PCDH7: variants seen among roughly 807,000 people sequenced by gnomAD.
PCDH7 encodes protocadherin-7.
In PCDH7, 17 loss-of-function variants were observed where a neutral mutation model predicts 58.9. The observed-to-expected ratio is 0.29, with a 90% CI of 0.20 to 0.43. PCDH7 has a LOEUF of 0.43. PCDH7 is among the 20% of genes least tolerant of loss of function. The pLI is 1.00. For missense variants in PCDH7, 1,274 were observed against 1,441.0 expected (o/e 0.88, Z 1.88); for synonymous variants, 664 against 616.4 (o/e 1.08, Z -1.14).
At chr4:30,951,086 T>TA (rs1278028924) in intron 3 of PCDH7, among the ~76,000 whole-genome samples, 1 of 152,190 alleles carries the variant, frequency 6.6e-6, no homozygotes, top group African/African-American at 2.4e-5. Context: ...GACACATGAC[T>TA]AAAATGCTAC....
At chr4:31,030,363 T>A (rs571506744) in intron 3 of PCDH7, among the ~76,000 whole-genome samples, 34 of 152,318 alleles carry the variant, frequency 2.2e-4, no homozygotes, top group Non-Finnish European at 4.1e-4. Flanking sequence ...TGTAGTTATT[T>A]GCTCAATTAC....
intron 1 of PCDH7, among the ~76,000 whole-genome samples, chr4:30,788,893 T>A (rs937235227): frequency 1.3e-5 from 2 of 152,182 alleles, no homozygotes; most frequent in Non-Finnish European, 2.9e-5. Flanking sequence ...CAATTTTAAG[T>A]CTTAACTTCA....
intron 3 of PCDH7, among the ~76,000 whole-genome samples, chr4:31,045,049 AT>A (rs1351132733): frequency 6.6e-6 from 1 of 152,004 alleles, no homozygotes; most frequent in East Asian, 1.9e-4. Context: ...AACCAGTTAG[AT>A]TTTTTAGGAA....
chr4:31,097,531 G>T (rs1423153808), intron 3 of PCDH7, among the ~76,000 whole-genome samples: 1 of 130,428 alleles, frequency 7.7e-6, no homozygotes, highest in East Asian at 2.4e-4. Flanking sequence ...AAGAAAGAAA[G>T]AAAGAAAGAA....
chr4:31,048,237 G>C (rs971692464), intron 3 of PCDH7, among the ~76,000 whole-genome samples: 2 of 151,948 alleles, frequency 1.3e-5, no homozygotes, highest in South Asian at 4.1e-4. Context: ...AGTCTTGAAA[G>C]GTAGAATATT....
chr4:30,969,253 C>G (rs1307499093), intron 3 of PCDH7, among the ~76,000 whole-genome samples: 2 of 152,158 alleles, frequency 1.3e-5, no homozygotes, highest in Non-Finnish European at 2.9e-5. Context: ...CATAAAGAGT[C>G]CCTGGACATT....
downstream of PCDH7, among the ~76,000 whole-genome samples, chr4:30,734,766 A>G (rs1426337418): frequency 6.6e-6 from 1 of 152,142 alleles, no homozygotes; most frequent in East Asian, 1.9e-4. Flanking sequence ...TTGTTGAACA[A>G]ATAAACAAAG....
At chr4:31,094,130 A>G (rs1713633632) in intron 3 of PCDH7, among the ~76,000 whole-genome samples, 1 of 152,170 alleles carries the variant, frequency 6.6e-6, no homozygotes, top group East Asian at 1.9e-4. Flanking sequence ...GTGAAATAAA[A>G]TACGTGAAAA....
At chr4:30,875,452 A>G (rs1413417919) in intron 1 of PCDH7, among the ~76,000 whole-genome samples, 1 of 152,104 alleles carries the variant, frequency 6.6e-6, no homozygotes, top group South Asian at 2.1e-4. Flanking sequence ...CATAACAGAG[A>G]CTGACTTGAA....
At position 30,753,986 on chromosome 4, in the gene PCDH7, C is replaced by T. The variant is rs566696004; in HGVS notation, c.70+29390C>T. On this transcript the variant is annotated intron_variant, in intron 1 of 3. Transcript: ENST00000509759. ...AAGTGTTACTGATCATAGAAACTAC[C>T]AGACATAACAGCACTGTATACTTTT... is the stretch of plus-strand genomic sequence containing the variant. 3.9e-5 allele frequency among the ~76,000 whole-genome samples: 6 copies of T among 152,204 alleles called. No individual in the cohort carries two copies. The South Asian group carries it at 1.2e-3, about 32-fold the overall frequency.
At chr4:30,907,812 G>C (rs1741170169) in intron 1 of PCDH7, among the ~76,000 whole-genome samples, 1 of 152,100 alleles carries the variant, frequency 6.6e-6, no homozygotes, top group Non-Finnish European at 1.5e-5. Context: ...TATGTTTATT[G>C]CGGCACTACT....
exon 2 of PCDH7, chr4:30,732,403 A>G (rs1482813320): frequency 1.3e-5 from 2 of 152,184 alleles, no homozygotes; most frequent in African/African-American, 4.8e-5. Context: ...AGAAAAATCA[A>G]AGTCTAGAAT....
At chr4:31,105,870 G>A (rs1338523223) in intron 3 of PCDH7, among the ~76,000 whole-genome samples, 1 of 151,958 alleles carries the variant, frequency 6.6e-6, no homozygotes, top group African/African-American at 2.4e-5. Context: ...AGCTGGGCAT[G>A]GTGGCGGGCG....
chr4:30,831,417 A>T (rs923364745), intron 1 of PCDH7, among the ~76,000 whole-genome samples: 5 of 152,158 alleles, frequency 3.3e-5, no homozygotes, highest in African/African-American at 1.2e-4. Context: ...TAAAATGAGT[A>T]TAACAACTAT....
intron 1 of PCDH7, among the ~76,000 whole-genome samples, chr4:30,822,690 C>G (rs1483095618): frequency 2.6e-5 from 4 of 152,070 alleles, no homozygotes; most frequent in East Asian, 1.9e-4. Context: ...GGTCATTGCA[C>G]AAGAAAGATT....
intron 3 of PCDH7, among the ~76,000 whole-genome samples, chr4:30,950,748 C>T (rs994835043): frequency 1.3e-5 from 2 of 152,132 alleles, no homozygotes; most frequent in African/African-American, 4.8e-5. Flanking sequence ...GATGTGAAAG[C>T]TGAATGCATG....
chr4:30,978,336 T>G (rs1379811078), intron 3 of PCDH7, among the ~76,000 whole-genome samples: 1 of 152,366 alleles, frequency 6.6e-6, no homozygotes, highest in African/African-American at 2.4e-5. Context: ...TGTCAGTCAC[T>G]AATTATTTTC....
At chr4:31,128,879 GGAT>G (rs1718635280) in intron 3 of PCDH7, among the ~76,000 whole-genome samples, 1 of 152,162 alleles carries the variant, frequency 6.6e-6, no homozygotes, top group African/African-American at 2.4e-5. Context: ...TCCTAAAAGG[GGAT>G]GAGGAGAGTG....
chr4:30,811,549 G>A (rs1727014346), intron 1 of PCDH7, among the ~76,000 whole-genome samples: 1 of 152,204 alleles, frequency 6.6e-6, no homozygotes, highest in South Asian at 2.1e-4. Flanking sequence ...TTGGAGGGAA[G>A]CAACTGGGCA....
Sources: gnomAD v4.1 joint callset for allele counts (sites outside exome capture counted in the v4.1 genomes callset) on GRCh38, gnomAD v4.1.1 for gene constraint, MANE v1.5 for transcripts, NCBI Gene and HGNC (gene_info 2026-07-23, HGNC 2026-07-21) for gene names.